Variants in MYO16 observed in about 807,000 individuals in gnomAD.
The protein encoded by MYO16 is myosin XVI.
MYO16 carries 94 observed loss-of-function variants against 205.3 expected under a neutral mutation model. The observed-to-expected ratio is 0.46, with a 90% CI of 0.39 to 0.54. MYO16 has a LOEUF of 0.54. MYO16 is among the 20% of genes least tolerant of loss of function. MYO16 has a pLI of 0.00. For missense variants in MYO16, 2,315 were observed against 2,387.5 expected (o/e 0.97, Z 0.63); for synonymous variants, 988 against 954.0 (o/e 1.04, Z -0.66).
At chr13:108,761,528 A>G (rs1885609477) in intron 4 of MYO16, among the ~76,000 whole-genome samples, 1 of 152,204 alleles carries the variant, frequency 6.6e-6, no homozygotes, top group Non-Finnish European at 1.5e-5. Flanking sequence ...ATAGGAGGGC[A>G]GCATGTTGGA....
chr13:108,727,153 C>A (rs1884368096), intron 3 of MYO16, among the ~76,000 whole-genome samples: 1 of 151,786 alleles, frequency 6.6e-6, no homozygotes, highest in African/African-American at 2.4e-5. Flanking sequence ...ATAATCCTAT[C>A]TACAAATGAA....
rs1487615463 is a variant in MYO16 at position 109,141,063 on chromosome 13, C to T, written c.4851C>T (p.Phe1617=). 1.4e-6 allele frequency: 2 copies of T among 1,428,288 alleles called. No homozygotes were observed. The highest frequency in any genetic ancestry group is 3.0e-5 in the African/African-American group (2 of 66,636). The allele number at this position is 1,428,288 out of a possible 1,614,324, so 88.5% of individuals were successfully genotyped here. A position where few individuals can be genotyped will look rare whatever the true frequency, so the allele number is the denominator to read the frequency against. The change falls in exon 32 of 35, where the codon TTC becomes TTT. Residue 1617 remains phenylalanine (F), a synonymous_variant. Transcript: ENST00000457511. This position sits in a 1 kb window ranked among gnomAD's most constrained non-coding sequence, Gnocchi z 4.1. The part of the protein sequence containing the change: ...APYRPCAHLA[F]PPEPAPVNAG... ...ACAGGCCCTGCGCGCACTTGGCCTT[C>T]CCGCCGGAGCCCGCCCCGGTGAACG... is the stretch of plus-strand genomic sequence containing the variant.
intron 12 of MYO16, among the ~76,000 whole-genome samples, chr13:108,874,028 C>T (rs1486513675): frequency 6.6e-6 from 1 of 152,198 alleles, no homozygotes; most frequent in Non-Finnish European, 1.5e-5. Flanking sequence ...GCCTTAGGTA[C>T]TTACAGTGTC....
intron 4 of MYO16, among the ~76,000 whole-genome samples, chr13:108,757,774 G>C (rs1885470354): frequency 6.6e-6 from 1 of 152,132 alleles, no homozygotes; most frequent in Non-Finnish European, 1.5e-5. Flanking sequence ...TAGTTTTAAA[G>C]TTTGATTATT....
At position 109,141,401 on chromosome 13, in the gene MYO16, C is replaced by T. The variant is rs2139810492; in HGVS notation, c.5164+25C>T. On this transcript the variant is annotated intron_variant, in intron 32 of 34. Transcript: ENST00000457511. This position sits in a 1 kb window ranked among gnomAD's most constrained non-coding sequence, Gnocchi z 4.1. Reference sequence around the variant, plus strand: ...GGTAAGCGGAGCAGACATCCCCCCACTCCTTTTGCATGGACGCTGTGCTTG... The same window carrying T: ...GGTAAGCGGAGCAGACATCCCCCCATTCCTTTTGCATGGACGCTGTGCTTG... 1 of 1,411,224 alleles carries T rather than the reference C, an allele frequency of 7.1e-7. No homozygotes were observed. Among genetic ancestry groups the T allele is most frequent in the South Asian group, 1.5e-5 (1 of 67,266 alleles). The allele number at this position is 1,411,224 out of a possible 1,614,324, so 87.4% of individuals were successfully genotyped here. A position where few individuals can be genotyped will look rare whatever the true frequency, so the allele number is the denominator to read the frequency against.
intron 27 of MYO16, among the ~76,000 whole-genome samples, chr13:109,090,786 C>T (rs1888596079): frequency 6.6e-6 from 1 of 152,150 alleles, no homozygotes; most frequent in Non-Finnish European, 1.5e-5. Context: ...ATATCCTTTT[C>T]CTTAAAAGAA....
intron 20 of MYO16, among the ~76,000 whole-genome samples, chr13:108,971,349 T>TTTTATATATA (rs1390123316): frequency 6.9e-6 from 1 of 144,284 alleles, no homozygotes; most frequent in Admixed American, 6.9e-5. Flanking sequence ...TGTGTGTTGA[T>TTTTATATATA]TATATATATA....
At chr13:108,635,148 T>A (rs2139364231) in intron 1 of MYO16, among the ~76,000 whole-genome samples, 1 of 152,298 alleles carries the variant, frequency 6.6e-6, no homozygotes, top group African/African-American at 2.4e-5. Flanking sequence ...GTATGTGTAG[T>A]TTAAGGTTTT....
intron 4 of MYO16, among the ~76,000 whole-genome samples, chr13:108,743,522 C>T (rs1566582419): frequency 6.6e-6 from 1 of 152,144 alleles, no homozygotes; most frequent in Non-Finnish European, 1.5e-5. Flanking sequence ...AAATATTAGC[C>T]AATGTATAGT....
chr13:109,098,584 C>T (rs999023461), intron 27 of MYO16, among the ~76,000 whole-genome samples: 4 of 152,076 alleles, frequency 2.6e-5, no homozygotes, highest in African/African-American at 4.8e-5. Flanking sequence ...TGACCAATAC[C>T]GGCTGCAGGC....
chr13:109,046,634 A>C (rs2139592488), intron 23 of MYO16, among the ~76,000 whole-genome samples: 1 of 152,324 alleles, frequency 6.6e-6, no homozygotes, highest in East Asian at 1.9e-4. Flanking sequence ...TTAAGAATAA[A>C]GGAAACTACA....
At chr13:109,090,628 ACAG>A (rs1445839734) in intron 27 of MYO16, among the ~76,000 whole-genome samples, 1 of 152,214 alleles carries the variant, frequency 6.6e-6, no homozygotes, top group Non-Finnish European at 1.5e-5. Flanking sequence ...GAGGAGACCC[ACAG>A]CAGGACAGAC....
At chr13:108,608,846 G>C (rs1879063686) in intron 1 of MYO16, among the ~76,000 whole-genome samples, 1 of 152,124 alleles carries the variant, frequency 6.6e-6, no homozygotes, top group South Asian at 2.1e-4. Context: ...GTTTCACCAT[G>C]TTGGCCAGGT....
chr13:108,869,731 TAAAAAAAAAAAAAA>T (rs68025820), intron 12 of MYO16, among the ~76,000 whole-genome samples: 9 of 67,030 alleles, frequency 1.3e-4, no homozygotes, highest in South Asian at 3.9e-4. Context: ...ACTCCGTTTC[TAAAAAAAAAAAAAA>T]AAAAAAAAAA....
intron 2 of MYO16, among the ~76,000 whole-genome samples, chr13:108,699,244 C>T (rs914589246): frequency 2.9e-4 from 44 of 151,448 alleles, no homozygotes; most frequent in African/African-American, 9.2e-4. Flanking sequence ...ATAGTTATTA[C>T]GTATGTATAT....
At chr13:109,107,810 CATATTATATTATATT>C (rs3042873) in intron 28 of MYO16, among the ~76,000 whole-genome samples, 3 of 141,398 alleles carry the variant, frequency 2.1e-5, no homozygotes, top group African/African-American at 7.7e-5. Context: ...CATATATATT[CATATTATATTATATT>C]ATATTATATT....
At chr13:108,554,023 T>G in the MYO16 span, among the ~76,000 whole-genome samples, 4 of 152,172 alleles carry the variant, frequency 2.6e-5, no homozygotes, top group Non-Finnish European at 5.9e-5. Context: ...ATGCGCTGCC[T>G]CCATGTTGCT....
intron 32 of MYO16, among the ~76,000 whole-genome samples, chr13:109,150,926 G>A (rs914083272): frequency 1.4e-4 from 21 of 152,262 alleles, no homozygotes; most frequent in African/African-American, 5.1e-4. Flanking sequence ...CTGACTATCT[G>A]CATCTCATTA....
the MYO16 span, among the ~76,000 whole-genome samples, chr13:108,499,555 T>C: frequency 5.3e-5 from 8 of 152,216 alleles, no homozygotes; most frequent in African/African-American, 1.9e-4. Context: ...CTTTCCCACT[T>C]ATATAGGAAT....
Sources: allele counts gnomAD v4.1 joint callset (sites outside exome capture counted in the v4.1 genomes callset), GRCh38; gene constraint gnomAD v4.1.1; non-coding constraint Gnocchi (gnomAD v3.1); transcripts MANE v1.5; gene names NCBI Gene and HGNC (gene_info 2026-07-23, HGNC 2026-07-21).